The following RAPGEF2 variants were observed in gnomAD, a reference collection of about 807,000 sequenced individuals.
RAPGEF2 encodes PDZ domain containing guanine nucleotide exchange factor (GEF) 1.
A neutral mutation model predicts 186.7 loss-of-function variants in RAPGEF2; 54 were observed. The observed-to-expected ratio is 0.29, with a 90% confidence interval of 0.23 to 0.36. RAPGEF2 has a LOEUF of 0.36. Ranked by LOEUF, RAPGEF2 falls within the 10% of genes least tolerant of loss-of-function variation. RAPGEF2 has a pLI of 1.00. For synonymous variants in RAPGEF2, 712 were observed against 705.9 expected (o/e 1.01, Z -0.14); for missense variants, 1,532 against 2,045.0 (o/e 0.75, Z 4.84).
chr4:159,104,072 CGCAGCGCGCAGGGCGGAG>C lies in RAPGEF2; in HGVS notation c.-85_-68del, dbSNP rs1486022599. 14 of 732,024 alleles carry C rather than the reference CGCAGCGCGCAGGGCGGAG, an allele frequency of 1.9e-5. No homozygotes were observed. Among genetic ancestry groups the C allele is most frequent in the Admixed American group, 5.3e-5 (1 of 18,994 alleles). 45.3% of individuals were successfully genotyped at this position (732,024 alleles called of 1,614,324 possible). ...GATTAGTCGCGGGCGGGCGGGCGGG[CGCAGCGCGCAGGGCGGAG>C]GCAGCAGCGGCGCTGGGCCGGGAGG... On this transcript the variant is annotated 5_prime_UTR_variant, in exon 1 of 30. Coordinates refer to ENST00000691494, the MANE Select transcript of RAPGEF2 (RefSeq NM_001394067.2).
chr4:159,281,157 A>G (rs912693659), intron 7 of RAPGEF2, among the ~76,000 whole-genome samples: 2 of 151,590 alleles, frequency 1.3e-5, no homozygotes, highest in Non-Finnish European at 2.9e-5. Context: ...ACGTGCAGCT[A>G]ATTTTTGTAT....
chr4:159,351,457 A>C (rs1341717065), intron 26 of RAPGEF2, among the ~76,000 whole-genome samples: 1 of 152,250 alleles, frequency 6.6e-6, no homozygotes, highest in Non-Finnish European at 1.5e-5. Flanking sequence ...AATTACCAAT[A>C]TGCTGAAAGA....
At chr4:159,255,229 C>T (rs946340331) in intron 7 of RAPGEF2, among the ~76,000 whole-genome samples, 8 of 152,126 alleles carry the variant, frequency 5.3e-5, no homozygotes, top group Non-Finnish European at 1.0e-4. Flanking sequence ...ACGCCGTTCT[C>T]GGAATGTATT....
In RAPGEF2 at chr4:159,323,501, A is replaced by G. The variant is rs200784758; in HGVS notation, c.1033A>G (p.Thr345Ala). 8.2e-4 allele frequency: 1,329 copies of G among 1,612,524 alleles called. 3 individuals carry two copies. The highest frequency in any genetic ancestry group is 9.3e-4 in the Non-Finnish European group (1,098 of 1,179,302). ...GATTCTCAATGGATCTGTGGAAGTG[A>G]CTTATCCAGATGGAAAAGCAGAAAT... The part of the protein sequence containing the change: ...SVILNGSVEV[T>A]YPDGKAEILC... The change falls in exon 11 of 30, where the codon ACT becomes GCT. Residue 345 changes from threonine to alanine, a missense_variant. Coordinates refer to ENST00000691494, the MANE Select transcript of RAPGEF2 (RefSeq NM_001394067.2).
chr4:159,125,710 A>G lies in RAPGEF2; in HGVS notation c.69+21479A>G, dbSNP rs533136890. The stretch of plus-strand genomic sequence containing the variant: ...GTGGCAGAGCTTGCAGTGAGCTGAG[A>G]TTGCGGCACTGCACTCCAGCCTGGG... On this transcript the variant is annotated intron_variant, in intron 1 of 29. Transcript: ENST00000691494. Among the ~76,000 whole-genome samples the G allele has an allele frequency of 2.0e-5, 3 of 151,820 alleles. No homozygotes were observed. In the South Asian group the frequency reaches 6.3e-4, roughly 32 times the overall value.
At chr4:159,255,045 C>T (rs370045236) in intron 7 of RAPGEF2, among the ~76,000 whole-genome samples, 18 of 152,242 alleles carry the variant, frequency 1.2e-4, no homozygotes, top group African/African-American at 4.3e-4. Context: ...TATACAAATA[C>T]TATTGTATTA....
intron 7 of RAPGEF2, among the ~76,000 whole-genome samples, chr4:159,299,810 TAG>T (rs899776462): frequency 2.6e-5 from 4 of 152,012 alleles, no homozygotes; most frequent in African/African-American, 9.7e-5. Flanking sequence ...TTATATATTA[TAG>T]AGACTTAAAT....
chr4:159,322,589 A>G (rs1186250461), intron 10 of RAPGEF2, 106 bp downstream of exon 10: 5 of 869,988 alleles, frequency 5.7e-6, no homozygotes, highest in Non-Finnish European at 9.0e-6. Flanking sequence ...ATACCCAACA[A>G]CAGTAAGTTT....
At chr4:159,106,209 A>G (rs982550916) in intron 1 of RAPGEF2, among the ~76,000 whole-genome samples, 1 of 152,244 alleles carries the variant, frequency 6.6e-6, no homozygotes, top group African/African-American at 2.4e-5. Context: ...CTTCATAGAA[A>G]AAGTAAACAT....
At chr4:159,328,888 A>T (rs976741039) in intron 11 of RAPGEF2, 2 of 152,102 alleles carry the variant, frequency 1.3e-5, no homozygotes, top group African/African-American at 4.8e-5. Context: ...TATCTTTTTT[A>T]AAAAATTAAT....
intron 1 of RAPGEF2, among the ~76,000 whole-genome samples, chr4:159,167,859 T>C (rs1745494002): frequency 6.6e-6 from 1 of 152,196 alleles, no homozygotes; most frequent in Middle Eastern, 3.2e-3. Flanking sequence ...GTTGAGAAAA[T>C]GGACCAAAGG....
At chr4:159,199,049 C>G (rs772951164) in intron 3 of RAPGEF2, among the ~76,000 whole-genome samples, 5 of 139,232 alleles carry the variant, frequency 3.6e-5, no homozygotes, top group Non-Finnish European at 7.7e-5. Context: ...GCAACTGAGA[C>G]CCTGTCTCAA....
rs1730380941 is a variant in RAPGEF2 at position 159,346,806 on chromosome 4, G to A, written c.3520G>A (p.Asp1174Asn). Residue 1174 changes from aspartate (D) to asparagine (N), a missense_variant, in exon 25 of 30, where the codon GAC (aspartate) becomes AAC (asparagine). By Grantham distance (23) the Asp-to-Asn change is conservative. Coordinates refer to ENST00000691494, the MANE Select transcript of RAPGEF2 (RefSeq NM_001394067.2). Reference sequence around the variant, plus strand: ...ATTATCAGTGCCTAAGAATCCTGGTGACAAAAAGCCTGTCAAATCCGAGAC... The same window carrying A: ...ATTATCAGTGCCTAAGAATCCTGGTAACAAAAAGCCTGTCAAATCCGAGAC... Reference protein sequence around the residue: ...ATNTLPKNPGDKKPVKSETSP... With the variant: ...ATNTLPKNPGNKKPVKSETSP... 3 of 1,613,922 alleles carry A rather than the reference G, an allele frequency of 1.9e-6. No individual in the cohort carries two copies. The highest frequency in any genetic ancestry group is 2.5e-6 in the Non-Finnish European group (3 of 1,180,002).
At chr4:159,239,425 C>T (rs997951401) in intron 5 of RAPGEF2, among the ~76,000 whole-genome samples, 1 of 152,052 alleles carries the variant, frequency 6.6e-6, no homozygotes, top group East Asian at 1.9e-4. Context: ...TTAAAAAACA[C>T]AAGAAAATCA....
chr4:159,174,587 A>C (rs1746255130), intron 1 of RAPGEF2, among the ~76,000 whole-genome samples: 2 of 152,212 alleles, frequency 1.3e-5, no homozygotes, highest in South Asian at 4.1e-4. Flanking sequence ...TCAAAAACTC[A>C]GTCTAAAAAA....
chr4:159,332,395 T>A, intron 16 of RAPGEF2, 56 bp from the exon 17 acceptor site: 1 of 1,538,636 alleles, frequency 6.5e-7, no homozygotes, highest in Admixed American at 1.9e-5. Flanking sequence ...GCCTTAGAAT[T>A]GTTCAGATAT....
intron 8 of RAPGEF2, among the ~76,000 whole-genome samples, chr4:159,306,523 T>A (rs749270909): frequency 1.3e-5 from 2 of 152,134 alleles, no homozygotes; most frequent in African/African-American, 4.8e-5. Context: ...ATCTAACAAT[T>A]TTTTGATGGA....
At chr4:159,321,745 A>C (rs1765258245) in intron 9 of RAPGEF2, among the ~76,000 whole-genome samples, 1 of 152,190 alleles carries the variant, frequency 6.6e-6, no homozygotes, top group Non-Finnish European at 1.5e-5. Flanking sequence ...TGTTTCTCCA[A>C]AGCATTCCCA....
chr4:159,272,288 T>A (rs949029302), intron 7 of RAPGEF2, among the ~76,000 whole-genome samples: 2 of 152,226 alleles, frequency 1.3e-5, no homozygotes, highest in Non-Finnish European at 2.9e-5. Flanking sequence ...CCATATTTTC[T>A]AAATTGCTAT....
Sources: allele counts gnomAD v4.1 joint callset (sites outside exome capture counted in the v4.1 genomes callset), GRCh38; gene constraint gnomAD v4.1.1; transcripts MANE v1.5; gene names NCBI Gene and HGNC (gene_info 2026-07-23, HGNC 2026-07-21).